COL25A1: variants seen among roughly 807,000 people sequenced by gnomAD.
The protein encoded by COL25A1 is collagen alpha-1(XXV) chain.
In COL25A1, 103 loss-of-function variants were observed where a neutral mutation model predicts 128.4. The observed-to-expected ratio is 0.80, with a 90% CI of 0.68 to 0.94. The LOEUF (loss-of-function observed/expected upper bound fraction) is 0.94, where lower values mean the gene tolerates loss of function less well. Among genes scored for constraint, COL25A1 ranks in the 40% least tolerant of loss-of-function variants. COL25A1 has a pLI of 0.00. For missense variants in COL25A1, 745 were observed against 840.0 expected (o/e 0.89, Z 1.40); for synonymous variants, 279 against 277.2 (o/e 1.01, Z -0.06).
At chr4:109,225,996 T>TAC (rs10642927) in intron 3 of COL25A1, among the ~76,000 whole-genome samples, 21,011 of 146,920 alleles carry the variant, frequency 0.14, 1,457 homozygotes, top group East Asian at 0.26. Flanking sequence ...GTATTTGTAA[T>TAC]ACACACACAC....
At chr4:109,251,517 C>A (rs555454679) in intron 3 of COL25A1, among the ~76,000 whole-genome samples, 1 of 152,326 alleles carries the variant, frequency 6.6e-6, no homozygotes, top group South Asian at 2.1e-4. Flanking sequence ...GAATAGCAGT[C>A]CAATTTCCCC....
At chr4:109,030,837 C>T (rs1758782894) in intron 5 of COL25A1, among the ~76,000 whole-genome samples, 1 of 152,120 alleles carries the variant, frequency 6.6e-6, no homozygotes. Context: ...ACTGCAACCT[C>T]CATCTCCTTG....
chr4:109,105,186 T>C (rs550885673), intron 3 of COL25A1, among the ~76,000 whole-genome samples: 3 of 152,286 alleles, frequency 2.0e-5, no homozygotes, highest in Non-Finnish European at 4.4e-5. Context: ...ATAAAAAGAT[T>C]CTAGGCTGGG....
intron 8 of COL25A1, among the ~76,000 whole-genome samples, chr4:108,948,911 A>G (rs967248736): frequency 6.6e-6 from 1 of 152,214 alleles, no homozygotes; most frequent in Non-Finnish European, 1.5e-5. Context: ...AAGTGCCTAA[A>G]CTATTCATAT....
At chr4:109,298,722 A>C (rs1725233497) in intron 3 of COL25A1, among the ~76,000 whole-genome samples, 1 of 152,236 alleles carries the variant, frequency 6.6e-6, no homozygotes, top group Admixed American at 6.5e-5. Flanking sequence ...GAGTATTTCC[A>C]TAATAGCAGT....
chr4:109,000,063 T>C (rs1755195841), intron 6 of COL25A1, among the ~76,000 whole-genome samples: 1 of 152,070 alleles, frequency 6.6e-6, no homozygotes. Flanking sequence ...CATGTATACC[T>C]ATGTAACAAA....
Position 108,827,158 on chromosome 4 carries a change from G to T in COL25A1, c.1741C>A (p.Pro581Thr). Residue 581 changes from proline (P) to threonine (T), a missense_variant, in exon 33 of 38, where the codon CCA becomes ACA. By Grantham distance (38) the Pro-to-Thr change is conservative. Transcript: ENST00000399132. Reference sequence around the variant, plus strand: ...ACAGGCAGCCCATAGGGCCCTCTTGGTCCAGGCTCTCCCATAGCTCCTTTT... The same window carrying T: ...ACAGGCAGCCCATAGGGCCCTCTTGTTCCAGGCTCTCCCATAGCTCCTTTT... ...GEKGAMGEPG[P>T]RGPYGLPGKD... 6.2e-7 allele frequency: 1 copy of T among 1,613,916 alleles called. No homozygotes were observed. The highest frequency in any genetic ancestry group is 8.5e-7 in the Non-Finnish European group (1 of 1,179,940).
chr4:109,197,472 ATATATAT>A (rs1356782041), intron 3 of COL25A1, among the ~76,000 whole-genome samples: 4 of 117,050 alleles, frequency 3.4e-5, no homozygotes, highest in South Asian at 2.3e-4. Flanking sequence ...ATTATATATA[ATATATAT>A]TATATATTAT....
chr4:109,016,699 C>T (rs1315092032), intron 5 of COL25A1, among the ~76,000 whole-genome samples: 15 of 152,246 alleles, frequency 9.9e-5, no homozygotes, highest in Admixed American at 9.8e-4. Flanking sequence ...TCAGGATGAC[C>T]TGCCTGCAGA....
chr4:108,940,680 C>A, intron 9 of COL25A1, 34 bp from the exon 10 acceptor site: 1 of 1,399,896 alleles, frequency 7.1e-7, no homozygotes, highest in East Asian at 2.4e-5. Context: ...CAGCAATAAC[C>A]ATGAAAGATA....
intron 19 of COL25A1, among the ~76,000 whole-genome samples, chr4:108,878,832 G>A (rs368855661): frequency 1.2e-4 from 18 of 152,182 alleles, no homozygotes; most frequent in African/African-American, 4.3e-4. Context: ...TTCTGGTTAT[G>A]TGAGTTTCCT....
intron 5 of COL25A1, among the ~76,000 whole-genome samples, chr4:109,024,467 T>C (rs1026806494): frequency 6.6e-6 from 1 of 151,976 alleles, no homozygotes; most frequent in Non-Finnish European, 1.5e-5. Flanking sequence ...CATATGGTTA[T>C]AAATCTATCT....
rs796926561 is a variant in COL25A1, at chr4:109,219,187, CAATAA to C, written c.367+81391_367+81395del. On this transcript the variant is annotated intron_variant, in intron 3 of 37. Coordinates refer to ENST00000399132, the MANE Select transcript of COL25A1 (RefSeq NM_198721.4). ...CTTGATTTATTAAACTACCAAATCA[CAATAA>C]AATAAAACTAGAAGGAACTGTGCAG... Among the ~76,000 whole-genome samples the C allele has an allele frequency of 3.5e-4, 53 of 152,212 alleles. 1 individual carries two copies. The highest frequency in any genetic ancestry group is 1.2e-3 in the African/African-American group (51 of 41,552).
rs1037279814 is a variant in COL25A1, at chr4:108,974,489, A to G, written c.465+44T>C. On this transcript the variant is annotated intron_variant, in intron 7 of 37. Coordinates refer to ENST00000399132, the MANE Select transcript of COL25A1 (RefSeq NM_198721.4). The stretch of plus-strand genomic sequence containing the variant: ...ATGTAACACAGTATAGGTCACGCCA[A>G]TATGGATCTTCACTAACTTTATTTC... 7 of 1,609,420 alleles carry G rather than the reference A, an allele frequency of 4.3e-6. No homozygotes were observed. The African/African-American group carries it at 9.4e-5, about 22-fold the overall frequency.
intron 8 of COL25A1, among the ~76,000 whole-genome samples, chr4:108,943,129 T>C (rs1327379799): frequency 1.3e-5 from 2 of 152,112 alleles, no homozygotes; most frequent in Admixed American, 6.5e-5. Flanking sequence ...GCAGGTACAA[T>C]GGGATCTGTG....
chr4:109,140,918 C>T (rs1770336429), intron 3 of COL25A1, among the ~76,000 whole-genome samples: 1 of 152,058 alleles, frequency 6.6e-6, no homozygotes, highest in African/African-American at 2.4e-5. Flanking sequence ...ATGTGAATAC[C>T]CTTTATTTCT....
chr4:109,232,518 C>T (rs866910362), intron 3 of COL25A1, among the ~76,000 whole-genome samples: 28 of 152,124 alleles, frequency 1.8e-4, no homozygotes, highest in African/African-American at 6.5e-4. Context: ...CGATTAAATG[C>T]ATTTGTGTAG....
At chr4:108,998,735 C>G (rs1447515240) in intron 6 of COL25A1, among the ~76,000 whole-genome samples, 1 of 152,164 alleles carries the variant, frequency 6.6e-6, no homozygotes, top group Non-Finnish European at 1.5e-5. Flanking sequence ...CTACAGTAAC[C>G]AAAACAGCAT....
chr4:109,028,305 T>C lies in COL25A1; in HGVS notation c.421-17930A>G, dbSNP rs566162895. Among the ~76,000 whole-genome samples the C allele has an allele frequency of 2.0e-5, 3 of 152,264 alleles. No individual in the cohort carries two copies. In the East Asian group the frequency reaches 5.8e-4, roughly 30 times the overall value. On this transcript the variant is annotated intron_variant, in intron 5 of 37. Coordinates refer to ENST00000399132, the MANE Select transcript of COL25A1 (RefSeq NM_198721.4). ...CTATTTTTTTGTAGAGACAGGTTCT[T>C]GCTATGCTTCCCAGGCTGGTCTTGA...
Sources: gnomAD v4.1 joint callset for allele counts (sites outside exome capture counted in the v4.1 genomes callset) on GRCh38, gnomAD v4.1.1 for gene constraint, MANE v1.5 for transcripts, NCBI Gene and HGNC (gene_info 2026-07-23, HGNC 2026-07-21) for gene names.